The following EPB41L5 variants were observed in gnomAD, a reference collection of about 807,000 sequenced individuals.
The protein encoded by EPB41L5 is band 4.1-like protein 5.
In EPB41L5, 55 loss-of-function variants were observed where a neutral mutation model predicts 106.6. The ratio of observed to expected loss-of-function variants is 0.52; its 90% confidence interval spans 0.42 to 0.65. The LOEUF is 0.65. Ranked by LOEUF, EPB41L5 falls within the 30% of genes least tolerant of loss-of-function variation. The pLI, the probability that EPB41L5 is intolerant of heterozygous loss-of-function variation, is 0.00. For synonymous variants in EPB41L5, 297 were observed against 306.7 expected (o/e 0.97, Z 0.33); for missense variants, 871 against 882.1 (o/e 0.99, Z 0.16).
At chr2:120,030,085 C>T (rs1029895267) in intron 2 of EPB41L5, among the ~76,000 whole-genome samples, 5 of 152,232 alleles carry the variant, frequency 3.3e-5, no homozygotes, top group Admixed American at 2.0e-4. Context: ...TTGCTTCTAA[C>T]GTTTAAGCTG....
chr2:120,086,766 A>G (rs1415111887), intron 10 of EPB41L5, among the ~76,000 whole-genome samples: 1 of 152,168 alleles, frequency 6.6e-6, no homozygotes. Flanking sequence ...GTTGAAAACC[A>G]TCGTCAGTGT....
In EPB41L5 at chr2:120,120,863, C is replaced by T. The variant is rs571446758; in HGVS notation, c.1338-6825C>T. On this transcript the variant is annotated intron_variant, in intron 16 of 24. Coordinates refer to ENST00000263713, the MANE Select transcript of EPB41L5 (RefSeq NM_020909.4). ...AGGTACAGTGGCTCACGCCTGCAAT[C>T]CCAGCACCCTGGGAGGCCGAGGCGG... is the stretch of plus-strand genomic sequence containing the variant. 1.8e-4 allele frequency among the ~76,000 whole-genome samples: 28 copies of T among 152,330 alleles called. 1 individual carries two copies. In the South Asian group the frequency reaches 5.8e-3, roughly 32 times the overall value.
intron 15 of EPB41L5, 91 bp from the exon 16 acceptor site, chr2:120,100,608 G>A (rs1684081294): frequency 2.2e-6 from 2 of 893,088 alleles, no homozygotes; most frequent in African/African-American, 3.3e-5. Context: ...TTAATTGTTG[G>A]CTTTGTAAAT....
chr2:120,051,035 G>T (rs993239585), intron 3 of EPB41L5, among the ~76,000 whole-genome samples: 1 of 152,210 alleles, frequency 6.6e-6, no homozygotes, highest in Admixed American at 6.5e-5. Context: ...TCTTAGAGGG[G>T]TACCCAGCCT....
chr2:120,074,417 T>C (rs1437958285), intron 5 of EPB41L5: 2 of 353,468 alleles, frequency 5.7e-6, no homozygotes, highest in Non-Finnish European at 1.0e-5. Context: ...TAGTGAGTTC[T>C]TTTTTTTAAG....
chr2:120,170,223 A>T (rs1248755695), intron 24 of EPB41L5, among the ~76,000 whole-genome samples: 5 of 152,254 alleles, frequency 3.3e-5, no homozygotes, highest in Admixed American at 1.3e-4. Context: ...CATAAACATA[A>T]TTGTATTAAT....
At chr2:120,035,784 A>G (rs1004596090) in intron 2 of EPB41L5, among the ~76,000 whole-genome samples, 1 of 152,244 alleles carries the variant, frequency 6.6e-6, no homozygotes, top group African/African-American at 2.4e-5. Context: ...ACTCCCAATC[A>G]TAAATTTTTA....
At chr2:120,064,146 A>G (rs1291039424) in intron 3 of EPB41L5, among the ~76,000 whole-genome samples, 1 of 152,246 alleles carries the variant, frequency 6.6e-6, no homozygotes, top group Non-Finnish European at 1.5e-5. Context: ...GTTAGAACAC[A>G]GTAACGCTAT....
At chr2:120,110,613 C>T (rs1007952089) in intron 16 of EPB41L5, among the ~76,000 whole-genome samples, 2 of 151,782 alleles carry the variant, frequency 1.3e-5, no homozygotes, top group Non-Finnish European at 2.9e-5. Flanking sequence ...AATTCCCACA[C>T]CCTCCTGCCC....
In EPB41L5 at chr2:120,175,251, T is replaced by G; in HGVS notation, c.*344T>G. ...GTTCATAACAACTTCATAACAAGCC[T>G]GCCTCTGGTAGTCAACAGCCTTTTG... On this transcript the variant is annotated 3_prime_UTR_variant, in exon 25 of 25. Transcript: ENST00000263713. 1 of 227,116 alleles carries G rather than the reference T, an allele frequency of 4.4e-6. No individual in the cohort carries two copies. Among genetic ancestry groups the G allele is most frequent in the Non-Finnish European group, 9.1e-6 (1 of 110,140 alleles). 14.1% of individuals were successfully genotyped at this position (227,116 alleles called of 1,614,324 possible).
chr2:120,074,078 C>T (rs758772304), intron 4 of EPB41L5, 22 bp from the exon 5 acceptor site: 15 of 1,246,538 alleles, frequency 1.2e-5, no homozygotes, highest in Non-Finnish European at 1.6e-5. Flanking sequence ...TTATTAAAAC[C>T]TTTTTTTTTT....
intron 3 of EPB41L5, among the ~76,000 whole-genome samples, chr2:120,046,164 A>G (rs754736346): frequency 6.6e-5 from 10 of 152,200 alleles, no homozygotes; most frequent in Non-Finnish European, 8.8e-5. Flanking sequence ...TCCTTTGAGT[A>G]TATACCCAGT....
intron 3 of EPB41L5, among the ~76,000 whole-genome samples, chr2:120,070,992 A>G (rs567623672): frequency 1.0e-3 from 157 of 152,334 alleles, no homozygotes; most frequent in South Asian, 2.5e-3. Context: ...GGCCAGCGCA[A>G]TCAGGCAAGA....
chr2:120,029,257 C>A (rs186192829), intron 2 of EPB41L5, among the ~76,000 whole-genome samples: 8 of 152,238 alleles, frequency 5.3e-5, no homozygotes, highest in South Asian at 4.1e-4. Context: ...ATCTGCCTCC[C>A]CAGTTCAAGC....
chr2:120,165,597 AATCC>A (rs1355013481), intron 22 of EPB41L5, among the ~76,000 whole-genome samples: 1 of 152,196 alleles, frequency 6.6e-6, no homozygotes, highest in Non-Finnish European at 1.5e-5. Flanking sequence ...ACAGTTGTTG[AATCC>A]ACAGATGCAC....
intron 3 of EPB41L5, among the ~76,000 whole-genome samples, chr2:120,055,578 T>C (rs1022860873): frequency 1.5e-5 from 2 of 136,350 alleles, no homozygotes; most frequent in African/African-American, 5.5e-5. Flanking sequence ...AACCTCTGCC[T>C]CCCGGGTTCA....
At chr2:120,017,033 A>G (rs1006679284) in intron 1 of EPB41L5, among the ~76,000 whole-genome samples, 1 of 152,256 alleles carries the variant, frequency 6.6e-6, no homozygotes, top group Non-Finnish European at 1.5e-5. Flanking sequence ...TCTTCAGTGT[A>G]TAGACATTTT....
At chr2:120,104,345 T>G in intron 16 of EPB41L5, 1 of 1,419,972 alleles carries the variant, frequency 7.0e-7, no homozygotes, top group Non-Finnish European at 9.2e-7. Flanking sequence ...TTGGGAGAAT[T>G]TACAGTGAGT....
intron 10 of EPB41L5, among the ~76,000 whole-genome samples, chr2:120,084,461 C>T (rs1001632464): frequency 1.3e-5 from 2 of 152,186 alleles, no homozygotes; most frequent in Admixed American, 1.3e-4. Flanking sequence ...CCCCTAGTCT[C>T]TTCTGGCTTG....
Sources: gnomAD v4.1 joint callset for allele counts (sites outside exome capture counted in the v4.1 genomes callset) on GRCh38, gnomAD v4.1.1 for gene constraint, MANE v1.5 for transcripts, NCBI Gene and HGNC (gene_info 2026-07-23, HGNC 2026-07-21) for gene names.